DAB2IP: variants seen among roughly 807,000 people sequenced by gnomAD.
The protein encoded by DAB2IP is disabled homolog 2-interacting protein.
Under a neutral mutation model 107.2 loss-of-function variants are expected in DAB2IP, and 28 were observed. The observed-to-expected ratio is 0.26, with a 90% confidence interval of 0.19 to 0.36. The LOEUF (loss-of-function observed/expected upper bound fraction) is 0.36, where lower values mean the gene tolerates loss of function less well. Among genes scored for constraint, DAB2IP ranks in the 10% least tolerant of loss-of-function variants. DAB2IP has a pLI of 1.00. For synonymous variants in DAB2IP, 755 were observed against 706.4 expected (o/e 1.07, Z -1.09); for missense variants, 1,400 against 1,644.7 (o/e 0.85, Z 2.57).
At chr9:121,623,818 G>A (rs1831554454) in intron 1 of DAB2IP, among the ~76,000 whole-genome samples, 1 of 152,158 alleles carries the variant, frequency 6.6e-6, no homozygotes, top group Non-Finnish European at 1.5e-5. Context: ...ATCCTTAGTA[G>A]CTGGGATTAC....
chr9:121,720,175 G>C (rs1008496844), intron 3 of DAB2IP, among the ~76,000 whole-genome samples: 5 of 152,182 alleles, frequency 3.3e-5, no homozygotes, highest in African/African-American at 1.2e-4. Flanking sequence ...CTCACCCCGT[G>C]TCTGGGTCCT....
chr9:121,747,879 A>G (rs559892874), intron 3 of DAB2IP, among the ~76,000 whole-genome samples: 1 of 152,060 alleles, frequency 6.6e-6, no homozygotes, highest in South Asian at 2.1e-4. Flanking sequence ...AAAGAAAGAA[A>G]GAAATAAGAT....
chr9:121,775,882 G>A (rs571483367), intron 13 of DAB2IP, among the ~76,000 whole-genome samples: 2 of 152,306 alleles, frequency 1.3e-5, no homozygotes, highest in South Asian at 2.1e-4. Flanking sequence ...TTTAACCTTT[G>A]TCATATAAAA....
chr9:121,654,480 G>A (rs1220043100), intron 1 of DAB2IP, among the ~76,000 whole-genome samples: 1 of 152,164 alleles, frequency 6.6e-6, no homozygotes. Flanking sequence ...AAGGCCTGGA[G>A]TGATGAGGAG....
intron 3 of DAB2IP, among the ~76,000 whole-genome samples, chr9:121,722,262 C>T (rs998258460): frequency 2.6e-5 from 4 of 152,240 alleles, no homozygotes; most frequent in Admixed American, 6.5e-5. Context: ...GGAGGGCTTT[C>T]GCAAGAACAC....
Position 121,730,006 on chromosome 9 carries a change from G to A in DAB2IP, c.363-27007G>A, listed in dbSNP as rs116700719. On this transcript the variant is annotated intron_variant, in intron 3 of 15. Coordinates refer to ENST00000408936, the Ensembl canonical transcript of DAB2IP. ...CCATTCTGCAGATAAGGAGCCTGGG[G>A]CCCAGAGGGGACCAGCTGGGCCACT... Among the ~76,000 whole-genome samples, 813 of 152,152 alleles carry A rather than the reference G, an allele frequency of 5.3e-3. 4 individuals carry two copies. The highest frequency in any genetic ancestry group is 9.0e-3 in the Non-Finnish European group (612 of 68,016).
At position 121,641,892 on chromosome 9, in the gene DAB2IP, C is replaced by CCTTTCTTTCTTTCTTTCTTTCTTT. The variant is rs71370681; in HGVS notation, c.41-36763_41-36740dup. ...TTCTTTCTTTCTGTCCATTTCTTTC[C>CCTTTCTTTCTTTCTTTCTTTCTTT]CTTTCTTTCTTTCTTTCTTTCTTTC... is the stretch of plus-strand genomic sequence containing the variant. On this transcript the variant is annotated intron_variant, in intron 1 of 16. Coordinates refer to the DAB2IP transcript ENST00000259371. Among the ~76,000 whole-genome samples, 25 of 89,342 alleles carry CCTTTCTTTCTTTCTTTCTTTCTTT rather than the reference C, an allele frequency of 2.8e-4. 1 individual carries two copies. In the East Asian group the frequency reaches 4.0e-3, roughly 14 times the overall value. The allele number at this position is 89,342 out of a possible 152,430, so 58.6% of individuals were successfully genotyped here.
Position 121,776,496 on chromosome 9 carries a change from A to G in DAB2IP, c.3314+105A>G. On this transcript the variant is annotated intron_variant, in intron 14 of 15. Coordinates refer to ENST00000408936, the Ensembl canonical transcript of DAB2IP. The surrounding 1 kb of genome is among the most constrained non-coding windows in gnomAD (Gnocchi z 5.4). ...GGAGCCTCCTCAAAGGATAAGCTGA[A>G]TGTGGAGAGAGGAGGGAAGAGAGTG... 1 of 1,246,506 alleles carries G rather than the reference A, an allele frequency of 8.0e-7. No individual in the cohort carries two copies. Among genetic ancestry groups the G allele is most frequent in the South Asian group, 1.6e-5 (1 of 63,282 alleles). The allele number at this position is 1,246,506 out of a possible 1,614,324, so 77.2% of individuals were successfully genotyped here.
Position 121,782,556 on chromosome 9 carries a change from A to C in DAB2IP, c.*58A>C. On this transcript the variant is annotated 3_prime_UTR_variant, in exon 16 of 16. Coordinates refer to ENST00000408936, the Ensembl canonical transcript of DAB2IP. This position sits in a 1 kb window ranked among gnomAD's most constrained non-coding sequence, Gnocchi z 6.1. Reference sequence around the variant, plus strand: ...GAGGGGGACTATGGTGGCCAAGGGCAGGGTCTCGGCCTGGGGAGGCACCCA... The same window carrying C: ...GAGGGGGACTATGGTGGCCAAGGGCCGGGTCTCGGCCTGGGGAGGCACCCA... 1 of 1,589,038 alleles carries C rather than the reference A, an allele frequency of 6.3e-7. No individual in the cohort carries two copies. Among genetic ancestry groups the C allele is most frequent in the Middle Eastern group, 1.7e-4 (1 of 5,974 alleles).
In DAB2IP at chr9:121,736,655, C is replaced by T. The variant is rs1254457051; in HGVS notation, c.363-20358C>T. Reference sequence around the variant, plus strand: ...ACGTTAGTCCGGAATGCTCTGGGAGCAGCGCTCGGGGGAGGTTACCTTGGC... The same window carrying T: ...ACGTTAGTCCGGAATGCTCTGGGAGTAGCGCTCGGGGGAGGTTACCTTGGC... On this transcript the variant is annotated intron_variant, in intron 3 of 15. Transcript: ENST00000408936. The surrounding 1 kb of genome is among the most constrained non-coding windows in gnomAD (Gnocchi z 4.6). 1.3e-5 allele frequency among the ~76,000 whole-genome samples: 2 copies of T among 152,228 alleles called. No individual in the cohort carries two copies. The highest frequency in any genetic ancestry group is 2.1e-4 in the South Asian group (1 of 4,834).
Position 121,757,008 on chromosome 9 carries a change from C to G in DAB2IP, c.363-5C>G, listed in dbSNP as rs767177004. 15 of 1,613,796 alleles carry G rather than the reference C, an allele frequency of 9.3e-6. No homozygotes were observed. The African/African-American group carries it at 1.6e-4, about 17-fold the overall frequency. On this transcript the variant is annotated splice_region_variant and splice_polypyrimidine_tract_variant and intron_variant, in intron 3 of 15. Transcript: ENST00000408936. ...GCCCACCTGACACACCTACTGCCAC[C>G]CCAGGTCCCATCTGATGCCGAGGCT...
chr9:121,776,304 A>C lies in DAB2IP; in HGVS notation c.3227A>C (p.Glu1076Ala). Residue 1076 changes from glutamate (E) to alanine (A), a missense_variant, in exon 14 of 16, where the codon GAG becomes GCG. Physicochemically the swap from Glu to Ala is moderately radical, Grantham distance 107. Coordinates refer to ENST00000408936, the Ensembl canonical transcript of DAB2IP. The surrounding 1 kb of genome is among the most constrained non-coding windows in gnomAD (Gnocchi z 5.4). ...GAGACGACGCAGAAGCTGGTGCTGG[A>C]GTACCAGGCACGGCTGGAGGAGGGC... 1 of 1,571,970 alleles carries C rather than the reference A, an allele frequency of 6.4e-7. No individual in the cohort carries two copies. The highest frequency in any genetic ancestry group is 1.2e-5 in the South Asian group (1 of 85,452).
chr9:121,727,025 A>G (rs2118841061), intron 3 of DAB2IP, among the ~76,000 whole-genome samples: 1 of 152,032 alleles, frequency 6.6e-6, no homozygotes, highest in Admixed American at 6.5e-5. Context: ...TGGTCTCTCA[A>G]AAATATTGTG....
chr9:121,680,215 C>T (rs1564152615), intron 2 of DAB2IP, among the ~76,000 whole-genome samples: 1 of 152,180 alleles, frequency 6.6e-6, no homozygotes, highest in African/African-American at 2.4e-5. Flanking sequence ...CGTGGAACCT[C>T]CAGTACCAGG....
intron 1 of DAB2IP, among the ~76,000 whole-genome samples, chr9:121,653,717 A>G (rs952880252): frequency 1.9e-4 from 29 of 151,856 alleles, no homozygotes; most frequent in Non-Finnish European, 3.4e-4. Context: ...CCTGACTGTA[A>G]TGGGAGTCTC....
At chr9:121,775,498 G>C (rs938046066) in intron 13 of DAB2IP, among the ~76,000 whole-genome samples, 3 of 152,192 alleles carry the variant, frequency 2.0e-5, no homozygotes, top group Non-Finnish European at 4.4e-5. Flanking sequence ...TGTCCTCATG[G>C]CGTCTGGCCC....
chr9:121,645,602 G>A (rs905695640), intron 1 of DAB2IP, among the ~76,000 whole-genome samples: 1 of 152,198 alleles, frequency 6.6e-6, no homozygotes, highest in African/African-American at 2.4e-5. Flanking sequence ...CACCCTGACT[G>A]CTCTGTGCTG....
At chr9:121,688,974 A>G (rs1050217093) in intron 2 of DAB2IP, among the ~76,000 whole-genome samples, 8 of 152,182 alleles carry the variant, frequency 5.3e-5, no homozygotes, top group African/African-American at 1.9e-4. Flanking sequence ...CCAGCCCACC[A>G]GAGGCCAGCA....
intron 3 of DAB2IP, among the ~76,000 whole-genome samples, chr9:121,721,290 G>A (rs770406071): frequency 6.6e-6 from 1 of 152,250 alleles, no homozygotes; most frequent in Non-Finnish European, 1.5e-5. Context: ...GGAAGGAAGG[G>A]CATTGTTCTG....
Sources: gnomAD v4.1 joint callset for allele counts (sites outside exome capture counted in the v4.1 genomes callset) on GRCh38, gnomAD v4.1.1 for gene constraint, Gnocchi (gnomAD v3.1) non-coding constraint, MANE v1.5 for transcripts, NCBI Gene and HGNC (gene_info 2026-07-23, HGNC 2026-07-21) for gene names.